Variants in STK3 observed in about 807,000 individuals in gnomAD.
STK3 encodes the protein serine/threonine-protein kinase 3.
A neutral mutation model predicts 58.0 loss-of-function variants in STK3; 41 were observed. The ratio of observed to expected loss-of-function variants is 0.71; its 90% CI spans 0.55 to 0.92. The LOEUF is 0.92. Among genes scored for constraint, STK3 ranks in the 40% least tolerant of loss-of-function variants. STK3 has a pLI of 0.00. For missense variants in STK3, 479 were observed against 602.7 expected, an observed-to-expected ratio of 0.79 and a Z score of 2.15; for synonymous variants, 170 against 191.0, an observed-to-expected ratio of 0.89 and a Z score of 0.91.
chr8:98,597,900 T>TA (rs1815969645), intron 6 of STK3: 1 of 984,218 alleles, frequency 1.0e-6, no homozygotes, highest in South Asian at 4.7e-5. Context: ...GCAAATAACC[T>TA]AATTAATCTC....
intron 4 of STK3, among the ~76,000 whole-genome samples, chr8:98,748,065 T>A (rs1829756137): frequency 6.6e-6 from 1 of 152,184 alleles, no homozygotes; most frequent in African/African-American, 2.4e-5. Context: ...TCATATCTAC[T>A]CAAAATTGTA....
intron 1 of STK3, among the ~76,000 whole-genome samples, chr8:98,894,412 A>G (rs1838374582): frequency 6.6e-6 from 1 of 152,210 alleles, no homozygotes; most frequent in African/African-American, 2.4e-5. Flanking sequence ...TCCTAGTCAC[A>G]TGTCAGAAAA....
intron 4 of STK3, among the ~76,000 whole-genome samples, chr8:98,744,496 G>C (rs912489579): frequency 6.8e-6 from 1 of 146,682 alleles, no homozygotes; most frequent in Non-Finnish European, 1.5e-5. Context: ...AAAACCAAAC[G>C]CTGCATATTC....
chr8:98,410,401 C>G (rs956917640), intron 3 of STK3, among the ~76,000 whole-genome samples: 1 of 152,164 alleles, frequency 6.6e-6, no homozygotes, highest in Non-Finnish European at 1.5e-5. Context: ...ATCTGTGACC[C>G]TTTATCTGTC....
rs549067061 is a variant in STK3, at chr8:98,653,827, T to C, written c.684+52640A>G. Among the ~76,000 whole-genome samples, 131 of 152,232 alleles carry C rather than the reference T, an allele frequency of 8.6e-4. 2 individuals are homozygous for C. The highest frequency in any genetic ancestry group is 1.0e-3 in the Non-Finnish European group (68 of 68,026). On this transcript the variant is annotated intron_variant, in intron 6 of 10. Coordinates refer to ENST00000419617, the MANE Select transcript of STK3 (RefSeq NM_006281.4). ...ATAGAACAATAACAGGCTCTGAAAT[T>C]GAGGCAATAATTAATAGCTTACCAA...
chr8:98,370,959 C>G (rs1817603923), downstream of STK3, among the ~76,000 whole-genome samples: 1 of 152,132 alleles, frequency 6.6e-6, no homozygotes, highest in African/African-American at 2.4e-5. Flanking sequence ...AAAGACTTTG[C>G]CTAGAGTAGG....
At chr8:98,426,914 G>A (rs1453699085) in intron 3 of STK3, 2 of 152,408 alleles carry the variant, frequency 1.3e-5, no homozygotes, top group African/African-American at 4.8e-5. Flanking sequence ...TGCGCCTTCC[G>A]AGCCCGGGCG....
rs77143141 is a variant in STK3, at chr8:98,625,988, T to C, written c.685-29819A>G. ...TGGTTCAGAACCATCTACCACGTCA[T>C]GGTAATGACTCTCTTTTCTCTTCCC... is the stretch of plus-strand genomic sequence containing the variant. On this transcript the variant is annotated intron_variant, in intron 6 of 10. Transcript: ENST00000419617. Among the ~76,000 whole-genome samples the C allele has an allele frequency of 6.2e-3, 949 of 152,300 alleles. 6 individuals are homozygous for C. The highest frequency in any genetic ancestry group is 9.9e-3 in the Non-Finnish European group (674 of 68,018).
chr8:98,618,468 A>G (rs182503890), intron 6 of STK3, among the ~76,000 whole-genome samples: 2,094 of 152,186 alleles, frequency 0.014, 20 homozygotes, highest in Non-Finnish European at 0.021. Flanking sequence ...GGCCAGGGCA[A>G]TCAGGCAGGA....
At chr8:98,804,229 T>A (rs1320761895) in intron 1 of STK3, among the ~76,000 whole-genome samples, 1 of 152,172 alleles carries the variant, frequency 6.6e-6, no homozygotes, top group Non-Finnish European at 1.5e-5. Flanking sequence ...CTTGAACTCC[T>A]GGCCTCAAGT....
intron 6 of STK3, 130 bp from the exon 7 acceptor site, chr8:98,596,299 A>G (rs928930708): frequency 9.3e-7 from 1 of 1,080,296 alleles, no homozygotes; most frequent in South Asian, 2.2e-5. Flanking sequence ...TAGGATTTCT[A>G]GTAACACTGA....
intron 3 of STK3, among the ~76,000 whole-genome samples, chr8:98,395,553 T>C (rs982581206): frequency 6.6e-6 from 1 of 152,214 alleles, no homozygotes; most frequent in Non-Finnish European, 1.5e-5. Context: ...GTGAGTGAAA[T>C]AGTCTGAATA....
intron 10 of STK3, among the ~76,000 whole-genome samples, chr8:98,483,842 G>C (rs756173456): frequency 6.6e-6 from 1 of 152,066 alleles, no homozygotes; most frequent in Non-Finnish European, 1.5e-5. Flanking sequence ...AGAAGAAATG[G>C]TTTACCATGG....
At chr8:98,509,730 C>G (rs995732245) in intron 10 of STK3, among the ~76,000 whole-genome samples, 1 of 151,872 alleles carries the variant, frequency 6.6e-6, no homozygotes, top group African/African-American at 2.4e-5. Context: ...CTATGGCCAA[C>G]AGCTTTTTAA....
chr8:98,732,229 T>C (rs1207273658), intron 4 of STK3, among the ~76,000 whole-genome samples: 1 of 152,104 alleles, frequency 6.6e-6, no homozygotes, highest in Non-Finnish European at 1.5e-5. Context: ...ATAGAAATTT[T>C]CCAAAGCTGA....
intron 6 of STK3, among the ~76,000 whole-genome samples, chr8:98,619,375 T>G (rs910465223): frequency 6.6e-6 from 1 of 151,216 alleles, no homozygotes; most frequent in Non-Finnish European, 1.5e-5. Flanking sequence ...GAAGAAAACC[T>G]AGGCATTACC....
chr8:98,749,465 A>ATT, intron 3 of STK3, 75 bp from the exon 4 acceptor site: 1 of 713,544 alleles, frequency 1.4e-6, no homozygotes, highest in Non-Finnish European at 2.3e-6. Context: ...AATACAAAGT[A>ATT]TTTTCAACAT....
intron 1 of STK3, among the ~76,000 whole-genome samples, chr8:98,813,655 T>C (rs1430533909): frequency 6.6e-6 from 1 of 152,224 alleles, no homozygotes; most frequent in East Asian, 1.9e-4. Context: ...ATTTTTATTA[T>C]CTAAGAATTT....
At chr8:98,358,302 C>T in the STK3 span, among the ~76,000 whole-genome samples, 3 of 152,124 alleles carry the variant, frequency 2.0e-5, no homozygotes, top group Non-Finnish European at 4.4e-5. Flanking sequence ...GGTCAGGCAG[C>T]CATGGCAGGT....
Sources: allele counts gnomAD v4.1 joint callset (sites outside exome capture counted in the v4.1 genomes callset), GRCh38; gene constraint gnomAD v4.1.1; transcripts MANE v1.5; gene names NCBI Gene and HGNC (gene_info 2026-07-23, HGNC 2026-07-21).